Variants in LRBA observed in about 807,000 individuals in gnomAD.
The protein encoded by LRBA is lipopolysaccharide-responsive and beige-like anchor protein.
Under a neutral mutation model 330.0 loss-of-function variants are expected in LRBA, and 176 were observed. That is an observed-to-expected ratio of 0.53 (90% CI 0.47 to 0.60). LRBA has a LOEUF of 0.60. LRBA is among the 20% of genes least tolerant of loss of function. The probability of loss-of-function intolerance (pLI) is 0.00; values close to 1 mark genes in which losing one functional copy is unlikely to be tolerated. For missense variants in LRBA, 3,259 were observed against 3,444.8 expected, an observed-to-expected ratio of 0.95 and a Z score of 1.35; for synonymous variants, 1,230 against 1,193.0, an observed-to-expected ratio of 1.03 and a Z score of -0.64.
At chr4:150,943,781 G>C (rs1735930975) in intron 2 of LRBA, among the ~76,000 whole-genome samples, 1 of 152,126 alleles carries the variant, frequency 6.6e-6, no homozygotes, top group Non-Finnish European at 1.5e-5. Flanking sequence ...ATCCCTTTCT[G>C]AACCAGTCAG....
chr4:150,377,933 T>C (rs990390553), intron 47 of LRBA, among the ~76,000 whole-genome samples: 2 of 146,022 alleles, frequency 1.4e-5, no homozygotes, highest in African/African-American at 5.1e-5. Flanking sequence ...ATCATGCCAC[T>C]GCACTCCAGC....
At chr4:150,832,205 G>A (rs1397379431) in intron 28 of LRBA, among the ~76,000 whole-genome samples, 1 of 152,096 alleles carries the variant, frequency 6.6e-6, no homozygotes, top group Admixed American at 6.6e-5. Context: ...GCAAAACATG[G>A]AAAGAGAGAA....
intron 40 of LRBA, among the ~76,000 whole-genome samples, chr4:150,541,202 GGAA>G (rs757228082): frequency 2.0e-5 from 3 of 152,132 alleles, no homozygotes; most frequent in Non-Finnish European, 4.4e-5. Context: ...GTTCCAGGGA[GGAA>G]GAAGGGAAAG....
chr4:150,818,353 A>G (rs1744897212), intron 30 of LRBA, among the ~76,000 whole-genome samples: 2 of 152,044 alleles, frequency 1.3e-5, no homozygotes, highest in South Asian at 2.1e-4. Flanking sequence ...GGCTTATTCA[A>G]TGTACTTCAG....
At chr4:150,680,234 T>C (rs1376044481) in intron 37 of LRBA, among the ~76,000 whole-genome samples, 1 of 152,206 alleles carries the variant, frequency 6.6e-6, no homozygotes, top group Admixed American at 6.5e-5. Context: ...GTCCCATTAT[T>C]TCCTGAAATC....
In LRBA at chr4:150,474,085, C is replaced by G. The variant is rs961081865; in HGVS notation, c.6552-2346G>C. Among the ~76,000 whole-genome samples, 12 of 152,002 alleles carry G rather than the reference C, an allele frequency of 7.9e-5. 1 individual carries two copies. The highest frequency in any genetic ancestry group is 7.9e-4 in the Admixed American group (12 of 15,250). On this transcript the variant is annotated intron_variant, in intron 42 of 56. Coordinates refer to ENST00000651943, the MANE Select transcript of LRBA (RefSeq NM_001364905.1). ...TCAGAAAGTTTTTCTCCTATGTTTT[C>G]TTTCTGACATTTTATAGTTTTACTT...
chr4:150,668,608 C>A (rs1284909322), intron 37 of LRBA, among the ~76,000 whole-genome samples: 2 of 152,176 alleles, frequency 1.3e-5, no homozygotes, highest in Non-Finnish European at 2.9e-5. Flanking sequence ...ACCTGTAATT[C>A]TTTCATTCAT....
At position 150,683,733 on chromosome 4, in the gene LRBA, A is replaced by G; in HGVS notation, c.5755-16T>C. 1.3e-6 allele frequency: 2 copies of G among 1,549,788 alleles called. No individual in the cohort carries two copies. The highest frequency in any genetic ancestry group is 1.8e-6 in the Non-Finnish European group (2 of 1,141,270). ...CACACAGTGACTTGGAGAGAAAAAA[A>G]AATAATACTATAAAAAATGTGAAAA... On this transcript the variant is annotated splice_polypyrimidine_tract_variant and intron_variant, in intron 36 of 56. Coordinates refer to ENST00000651943, the MANE Select transcript of LRBA (RefSeq NM_001364905.1).
intron 40 of LRBA, among the ~76,000 whole-genome samples, chr4:150,534,047 A>T (rs1764348731): frequency 1.3e-5 from 2 of 152,136 alleles, no homozygotes; most frequent in Admixed American, 1.3e-4. Context: ...TACCATATGT[A>T]TTTGCCCTGC....
intron 47 of LRBA, among the ~76,000 whole-genome samples, chr4:150,372,400 A>G (rs1740469402): frequency 1.3e-5 from 2 of 151,898 alleles, no homozygotes; most frequent in Non-Finnish European, 2.9e-5. Flanking sequence ...ACTTAAGCCC[A>G]GGAGTTCAAG....
intron 40 of LRBA, among the ~76,000 whole-genome samples, chr4:150,571,508 C>G (rs1366646666): frequency 1.3e-5 from 2 of 151,946 alleles, no homozygotes; most frequent in Non-Finnish European, 2.9e-5. Flanking sequence ...TTGATAGTTG[C>G]CATCTTTCAC....
intron 17 of LRBA, among the ~76,000 whole-genome samples, chr4:150,885,158 G>T (rs1188179689): frequency 6.8e-6 from 1 of 147,636 alleles, no homozygotes; most frequent in Non-Finnish European, 1.5e-5. Flanking sequence ...TTTAGACACT[G>T]TAGGACAATA....
chr4:150,861,270 GGTGT>G (rs35115144), intron 22 of LRBA, among the ~76,000 whole-genome samples: 1,745 of 137,832 alleles, frequency 0.013, 28 homozygotes, highest in African/African-American at 0.039. Flanking sequence ...CCCAGCTAAT[GGTGT>G]GTGTGTGTGT....
intron 51 of LRBA, among the ~76,000 whole-genome samples, chr4:150,314,191 G>A (rs966744716): frequency 6.6e-6 from 1 of 151,934 alleles, no homozygotes; most frequent in African/African-American, 2.4e-5. Flanking sequence ...GAAAATGATG[G>A]GTCTAAAATT....
intron 37 of LRBA, among the ~76,000 whole-genome samples, chr4:150,639,708 C>T (rs756366323): frequency 8.1e-6 from 1 of 123,952 alleles, no homozygotes. Flanking sequence ...AAGTGACAAA[C>T]TAGAAGATAA....
At chr4:150,382,542 G>A (rs1042495618) in intron 47 of LRBA, among the ~76,000 whole-genome samples, 1 of 151,788 alleles carries the variant, frequency 6.6e-6, no homozygotes, top group Non-Finnish European at 1.5e-5. Flanking sequence ...AGAATCGCTT[G>A]AGCCTGGGAG....
At chr4:150,870,725 T>C (rs768953465) in intron 19 of LRBA, 119 bp from the exon 20 acceptor site, 3 of 561,684 alleles carry the variant, frequency 5.3e-6, no homozygotes, top group Non-Finnish European at 9.5e-6. Flanking sequence ...AAATATAGTA[T>C]ATTTTTAGTC....
At chr4:150,477,135 A>G (rs755781939) in intron 42 of LRBA, among the ~76,000 whole-genome samples, 10 of 152,084 alleles carry the variant, frequency 6.6e-5, no homozygotes, top group Middle Eastern at 3.2e-3. Context: ...ACAACATTCA[A>G]TCCTCTGGAG....
At chr4:150,961,724 GAAATA>G (rs3033042) in intron 2 of LRBA, among the ~76,000 whole-genome samples, 107,886 of 147,922 alleles carry the variant, frequency 0.73, 45,237 homozygotes, top group Non-Finnish European at 0.91. Flanking sequence ...AACATAATAT[GAAATA>G]AAATAACTTT....
Sources: gnomAD v4.1 joint callset for allele counts (sites outside exome capture counted in the v4.1 genomes callset) on GRCh38, gnomAD v4.1.1 for gene constraint, MANE v1.5 for transcripts, NCBI Gene and HGNC (gene_info 2026-07-23, HGNC 2026-07-21) for gene names.